CTNND2: variants seen among roughly 807,000 people sequenced by gnomAD.
CTNND2 encodes catenin delta-2.
Under a neutral mutation model 144.4 loss-of-function variants are expected in CTNND2, and 22 were observed. The ratio of observed to expected loss-of-function variants is 0.15; its 90% CI spans 0.11 to 0.22. The LOEUF (loss-of-function observed/expected upper bound fraction) is 0.22. CTNND2 is among the 10% of genes least tolerant of loss of function. CTNND2 has a pLI of 1.00. For missense variants in CTNND2, 1,353 were observed against 1,618.8 expected (o/e 0.84, Z 2.82); for synonymous variants, 751 against 695.6 (o/e 1.08, Z -1.25).
chr5:11,307,868 G>C (rs1186767907), intron 9 of CTNND2, among the ~76,000 whole-genome samples: 1 of 152,202 alleles, frequency 6.6e-6, no homozygotes, highest in Non-Finnish European at 1.5e-5. Context: ...TTCCTAAGGG[G>C]ATGGTGTGAG....
At chr5:11,240,190 AACACACAC>A (rs141028390) in intron 9 of CTNND2, among the ~76,000 whole-genome samples, 1 of 110,910 alleles carries the variant, frequency 9.0e-6, no homozygotes, top group African/African-American at 3.7e-5. Flanking sequence ...TCACACACCC[AACACACAC>A]ACACACACCC....
intron 9 of CTNND2, among the ~76,000 whole-genome samples, chr5:11,252,398 T>C (rs1743757140): frequency 6.6e-6 from 1 of 152,222 alleles, no homozygotes; most frequent in African/African-American, 2.4e-5. Flanking sequence ...CTTAGTTCTA[T>C]GTCTATAGAC....
chr5:11,615,309 T>G (rs1780528392), intron 2 of CTNND2, among the ~76,000 whole-genome samples: 1 of 152,202 alleles, frequency 6.6e-6, no homozygotes, highest in Non-Finnish European at 1.5e-5. Flanking sequence ...GTTATAACTT[T>G]GAAGGACAAT....
At chr5:11,227,620 G>A (rs1410055059) in intron 10 of CTNND2, among the ~76,000 whole-genome samples, 3 of 152,198 alleles carry the variant, frequency 2.0e-5, no homozygotes, top group Admixed American at 6.5e-5. Context: ...AGCACTTTAA[G>A]TCTAGTAGAC....
chr5:11,808,979 G>A (rs1326538384), intron 1 of CTNND2, among the ~76,000 whole-genome samples: 3 of 152,260 alleles, frequency 2.0e-5, no homozygotes, highest in South Asian at 4.1e-4. Flanking sequence ...AATTATCATC[G>A]CTGAGGCTGC....
intron 1 of CTNND2, among the ~76,000 whole-genome samples, chr5:11,754,812 C>A (rs2126792696): frequency 6.6e-6 from 1 of 151,576 alleles, no homozygotes; most frequent in African/African-American, 2.4e-5. Flanking sequence ...GATTTTTTTC[C>A]ATCCCTTTAC....
At chr5:11,080,003 C>T (rs984189037) in intron 16 of CTNND2, among the ~76,000 whole-genome samples, 10 of 151,380 alleles carry the variant, frequency 6.6e-5, no homozygotes, top group African/African-American at 2.4e-4. Context: ...AAAGCTTCTG[C>T]ACAGAAAAAA....
At chr5:11,834,492 G>A (rs1160192302) in intron 1 of CTNND2, among the ~76,000 whole-genome samples, 1 of 152,074 alleles carries the variant, frequency 6.6e-6, no homozygotes, top group Non-Finnish European at 1.5e-5. Context: ...ACTTGAATTA[G>A]TCATTCCATA....
intron 10 of CTNND2, among the ~76,000 whole-genome samples, chr5:11,214,582 A>C (rs1268167264): frequency 6.6e-6 from 1 of 152,192 alleles, no homozygotes; most frequent in Non-Finnish European, 1.5e-5. Context: ...TTTTCAAAAA[A>C]CATACGTAAC....
At chr5:11,885,729 T>C (rs1736472088) in intron 1 of CTNND2, among the ~76,000 whole-genome samples, 1 of 152,160 alleles carries the variant, frequency 6.6e-6, no homozygotes, top group Non-Finnish European at 1.5e-5. Flanking sequence ...ATACACATTT[T>C]TTTTCATCAG....
At chr5:11,410,967 ATTC>A (rs1761480100) in intron 5 of CTNND2, among the ~76,000 whole-genome samples, 1 of 151,170 alleles carries the variant, frequency 6.6e-6, no homozygotes, top group Admixed American at 6.6e-5. Context: ...TGCCTCCTGG[ATTC>A]AAGTGATTCT....
At position 11,336,849 on chromosome 5, in the gene CTNND2, A is replaced by C. The variant is rs182222725; in HGVS notation, c.1628+9523T>G. Among the ~76,000 whole-genome samples, 1,347 of 150,562 alleles carry C rather than the reference A, an allele frequency of 8.9e-3. 10 individuals are homozygous for C. Among genetic ancestry groups the C allele is most frequent in the Middle Eastern group, 0.021 (6 of 292 alleles). On this transcript the variant is annotated intron_variant, in intron 9 of 21. Coordinates refer to ENST00000304623, the MANE Select transcript of CTNND2 (RefSeq NM_001332.4). ...ATACACTCATAATCTATATGGCACA[A>C]ACACACACACACACACACATAACTT...
In CTNND2 at chr5:11,877,620, A is replaced by G. The variant is rs73052531; in HGVS notation, c.37+26197T>C. 8.3e-3 allele frequency among the ~76,000 whole-genome samples: 1,259 copies of G among 152,260 alleles called. 15 individuals carry two copies. The highest frequency in any genetic ancestry group is 0.028 in the African/African-American group (1,180 of 41,574). On this transcript the variant is annotated intron_variant, in intron 1 of 21. Coordinates refer to ENST00000304623, the MANE Select transcript of CTNND2 (RefSeq NM_001332.4). Reference sequence around the variant, plus strand: ...ATATTTAAAGTATCTAATATTGAGAAGCTTTCATTTCATATTACTGCCTAA... The same window carrying G: ...ATATTTAAAGTATCTAATATTGAGAGGCTTTCATTTCATATTACTGCCTAA...
chr5:11,573,184 A>G (rs1029516227), intron 2 of CTNND2, among the ~76,000 whole-genome samples: 1 of 152,240 alleles, frequency 6.6e-6, no homozygotes, highest in Non-Finnish European at 1.5e-5. Context: ...ATACATGTGA[A>G]GCACTTAGCA....
At chr5:11,250,025 A>G (rs1743396054) in intron 9 of CTNND2, among the ~76,000 whole-genome samples, 1 of 152,216 alleles carries the variant, frequency 6.6e-6, no homozygotes, top group African/African-American at 2.4e-5. Flanking sequence ...AAAGCAAAGC[A>G]ATTCCATAGG....
At position 11,397,256 on chromosome 5, in the gene CTNND2, T is replaced by C. The variant is rs1290104089; in HGVS notation, c.440-53A>G. On this transcript the variant is annotated intron_variant, in intron 5 of 21. Transcript: ENST00000304623. ...AGTGACAGTCTCAGTGAAGCAGAAA[T>C]GACATGTATTATTTATTGAGAGTAG... 6.7e-6 allele frequency: 10 copies of C among 1,499,538 alleles called. No homozygotes were observed. In the East Asian group the frequency reaches 2.1e-4, roughly 31 times the overall value. 92.9% of individuals were successfully genotyped at this position (1,499,538 alleles called of 1,614,324 possible). A position where few individuals can be genotyped will look rare whatever the true frequency, so the allele number is the denominator to read the frequency against.
intron 3 of CTNND2, among the ~76,000 whole-genome samples, chr5:11,458,084 CA>C (rs749366714): frequency 3.3e-5 from 5 of 152,068 alleles, no homozygotes; most frequent in Non-Finnish European, 5.9e-5. Flanking sequence ...GTGAAAGAGC[CA>C]AAACAGTCTC....
rs1223891060 is a variant in CTNND2 at position 11,129,428 on chromosome 5, G to A, written c.2160-11861C>T. On this transcript the variant is annotated intron_variant, in intron 12 of 21. Coordinates refer to ENST00000304623, the MANE Select transcript of CTNND2 (RefSeq NM_001332.4). ...ATGCCGTGAGGCCAGGCCACTGTTC[G>A]ATGGGACTCAGGGCATGCCAAGGCC... is the stretch of plus-strand genomic sequence containing the variant. Among the ~76,000 whole-genome samples, 5 of 144,526 alleles carry A rather than the reference G, an allele frequency of 3.5e-5. 1 individual carries two copies. The East Asian group carries it at 6.0e-4, about 17-fold the overall frequency. 94.8% of individuals were successfully genotyped at this position (144,526 alleles called of 152,430 possible). A position where few individuals can be genotyped will look rare whatever the true frequency, so the allele number is the denominator to read the frequency against.
Position 11,189,044 on chromosome 5 carries a change from G to A in CTNND2, c.1975+10404C>T, listed in dbSNP as rs1196069935. Among the ~76,000 whole-genome samples the A allele has an allele frequency of 2.6e-5, 4 of 152,270 alleles. No homozygotes were observed. In the South Asian group the frequency reaches 8.3e-4, roughly 32 times the overall value. On this transcript the variant is annotated intron_variant, in intron 11 of 21. Coordinates refer to ENST00000304623, the MANE Select transcript of CTNND2 (RefSeq NM_001332.4). ...TACGACACAAGCGTTAGGAGGGCAG[G>A]TCTACGAGTTCCAGCTTCTAATAGC...
Sources: allele counts gnomAD v4.1 joint callset (sites outside exome capture counted in the v4.1 genomes callset), GRCh38; gene constraint gnomAD v4.1.1; transcripts MANE v1.5; gene names NCBI Gene and HGNC (gene_info 2026-07-23, HGNC 2026-07-21).